Variants in ARMH3 observed in about 807,000 individuals in gnomAD.
The protein encoded by ARMH3 is armadillo like helical domain containing 3.
Under a neutral mutation model 99.1 loss-of-function variants are expected in ARMH3, and 60 were observed. The observed-to-expected ratio is 0.61, with a 90% CI of 0.49 to 0.75. ARMH3 has a LOEUF of 0.75. ARMH3 is among the 30% of genes least tolerant of loss of function. The pLI, the probability that ARMH3 is intolerant of heterozygous loss-of-function variation, is 0.00. For missense variants in ARMH3, 679 were observed against 843.1 expected, an observed-to-expected ratio of 0.81 and a Z score of 2.41; for synonymous variants, 285 against 292.8, an observed-to-expected ratio of 0.97 and a Z score of 0.27.
chr10:101,964,088 G>A (rs1845431353), intron 20 of ARMH3, among the ~76,000 whole-genome samples: 1 of 152,138 alleles, frequency 6.6e-6, no homozygotes, highest in Non-Finnish European at 1.5e-5. Context: ...GTGTTAGCCA[G>A]GATAGTCTCG....
chr10:101,938,650 C>T (rs1220883583), intron 23 of ARMH3, among the ~76,000 whole-genome samples: 2 of 152,204 alleles, frequency 1.3e-5, no homozygotes, highest in African/African-American at 2.4e-5. Context: ...TGTCATGCTG[C>T]CCTTGGGTCA....
chr10:101,936,803 G>A (rs994685881), intron 23 of ARMH3, among the ~76,000 whole-genome samples: 1 of 152,152 alleles, frequency 6.6e-6, no homozygotes, highest in Non-Finnish European at 1.5e-5. Flanking sequence ...GATACATACA[G>A]ACAGAGGAAG....
At position 102,012,930 on chromosome 10, in the gene ARMH3, G is replaced by A. The variant is rs576950000; in HGVS notation, c.727-54C>T. ...ATAAGACAGTAGCCTTTGGGAGTTG[G>A]TGATGATGCTAGAACAAGGTCAGAA... On this transcript the variant is annotated intron_variant, in intron 9 of 25. Coordinates refer to ENST00000370033, the MANE Select transcript of ARMH3 (RefSeq NM_024541.3). 1,630 of 1,479,064 alleles carry A rather than the reference G, an allele frequency of 1.1e-3. 2 individuals are homozygous for A. The highest frequency in any genetic ancestry group is 1.4e-3 in the Non-Finnish European group (1,558 of 1,075,646). 91.6% of individuals were successfully genotyped at this position (1,479,064 alleles called of 1,614,324 possible). A position where few individuals can be genotyped will look rare whatever the true frequency, so the allele number is the denominator to read the frequency against.
intron 1 of ARMH3, among the ~76,000 whole-genome samples, chr10:102,046,352 A>G (rs1359717253): frequency 6.6e-6 from 1 of 151,744 alleles, no homozygotes; most frequent in Non-Finnish European, 1.5e-5. Flanking sequence ...GAAAAAAAAA[A>G]GAAAAAGAAA....
At chr10:102,007,167 AAAAAAAAAAAAG>A (rs2066515848) in intron 13 of ARMH3, among the ~76,000 whole-genome samples, 1 of 149,138 alleles carries the variant, frequency 6.7e-6, no homozygotes, top group Admixed American at 6.7e-5. Context: ...CTCAAAAAAA[AAAAAAAAAAAAG>A]AAAAAAAAAG....
intron 24 of ARMH3, among the ~76,000 whole-genome samples, chr10:101,868,668 C>A (rs932105854): frequency 6.6e-6 from 1 of 152,186 alleles, no homozygotes; most frequent in Non-Finnish European, 1.5e-5. Context: ...AATACATTTT[C>A]TCTTCCTTAT....
At chr10:101,964,275 G>T (rs772614476) in intron 20 of ARMH3, among the ~76,000 whole-genome samples, 27 of 152,150 alleles carry the variant, frequency 1.8e-4, no homozygotes, top group Admixed American at 6.5e-4. Flanking sequence ...TTCCCAAAGT[G>T]CTAGGATTAC....
At chr10:101,888,073 T>A (rs61873596) in intron 24 of ARMH3, among the ~76,000 whole-genome samples, 5,210 of 130,744 alleles carry the variant, frequency 0.04, 155 homozygotes, top group African/African-American at 0.094. Flanking sequence ...TTTTTTTTTT[T>A]AAAAAAAAAA....
chr10:101,986,231 T>C (rs555662712), intron 19 of ARMH3, among the ~76,000 whole-genome samples: 100 of 152,276 alleles, frequency 6.6e-4, no homozygotes, highest in African/African-American at 2.3e-3. Flanking sequence ...TTCTGATGCC[T>C]ACCTACAGGT....
chr10:101,878,160 C>T (rs1187964230), intron 24 of ARMH3, among the ~76,000 whole-genome samples: 6 of 151,784 alleles, frequency 4.0e-5, no homozygotes, highest in Non-Finnish European at 5.9e-5. Context: ...CGGGAGGTTA[C>T]GATAGGAGAA....
At chr10:101,912,250 G>A (rs1054716038) in intron 23 of ARMH3, among the ~76,000 whole-genome samples, 2 of 151,640 alleles carry the variant, frequency 1.3e-5, no homozygotes, top group Non-Finnish European at 2.9e-5. Context: ...AAAATTAGCC[G>A]GGTGTGGTGG....
chr10:102,015,302 G>C (rs569354202), intron 8 of ARMH3, among the ~76,000 whole-genome samples: 10 of 151,970 alleles, frequency 6.6e-5, no homozygotes, highest in Admixed American at 2.0e-4. Flanking sequence ...GCCATGATGA[G>C]AGTAACACTA....
intron 24 of ARMH3, among the ~76,000 whole-genome samples, chr10:101,885,136 T>TA (rs998173989): frequency 7.2e-4 from 107 of 148,422 alleles, no homozygotes; most frequent in South Asian, 3.4e-3. Flanking sequence ...GGATGGCTAT[T>TA]AAAAAAAAAA....
rs542266600 is a variant in ARMH3 at position 101,898,471 on chromosome 10, G to A, written c.1782-8981C>T. Among the ~76,000 whole-genome samples, 12 of 152,204 alleles carry A rather than the reference G, an allele frequency of 7.9e-5. No individual in the cohort carries two copies. The South Asian group carries it at 1.7e-3, about 21-fold the overall frequency. ...ATCTCCCATGGACAGAAGCATCTAC[G>A]AGTCTTTAATGAAACAATAAATAAA... is the stretch of plus-strand genomic sequence containing the variant. On this transcript the variant is annotated intron_variant, in intron 23 of 25. Transcript: ENST00000370033.
intron 23 of ARMH3, among the ~76,000 whole-genome samples, chr10:101,902,779 G>T (rs754886565): frequency 6.6e-6 from 1 of 152,030 alleles, no homozygotes; most frequent in Non-Finnish European, 1.5e-5. Context: ...CTTAATGGGA[G>T]GATAAATTTG....
At chr10:101,969,052 T>G (rs1845658209) in intron 20 of ARMH3, among the ~76,000 whole-genome samples, 1 of 152,164 alleles carries the variant, frequency 6.6e-6, no homozygotes, top group African/African-American at 2.4e-5. Context: ...CAGAGAAAAT[T>G]TAGCAGAATG....
chr10:101,974,157 C>T (rs1845889368), intron 20 of ARMH3, among the ~76,000 whole-genome samples: 1 of 152,230 alleles, frequency 6.6e-6, no homozygotes, highest in African/African-American at 2.4e-5. Flanking sequence ...CCTACTCCCC[C>T]TTTACCACCA....
intron 23 of ARMH3, among the ~76,000 whole-genome samples, chr10:101,910,282 A>AG (rs1266649291): frequency 3.9e-5 from 6 of 152,250 alleles, no homozygotes; most frequent in Non-Finnish European, 8.8e-5. Flanking sequence ...TTCTGTTTCC[A>AG]ACACCTATGG....
chr10:102,020,257 A>G (rs1470329259), intron 8 of ARMH3, among the ~76,000 whole-genome samples: 1 of 151,846 alleles, frequency 6.6e-6, no homozygotes, highest in Non-Finnish European at 1.5e-5. Context: ...ATAGTTGGCC[A>G]GGCACGGTAG....
Sources: allele counts gnomAD v4.1 joint callset (sites outside exome capture counted in the v4.1 genomes callset), GRCh38; gene constraint gnomAD v4.1.1; transcripts MANE v1.5; gene names NCBI Gene and HGNC (gene_info 2026-07-23, HGNC 2026-07-21).